ZNF33A: variants seen among roughly 807,000 people sequenced by gnomAD.
ZNF33A encodes the protein zinc finger protein 33A, also known as brain my041 protein.
ZNF33A carries 9 observed loss-of-function variants against 15.9 expected under a neutral mutation model. That is an observed-to-expected ratio of 0.57 (90% confidence interval 0.34 to 0.99). ZNF33A has a LOEUF of 0.99. Ranked by LOEUF, ZNF33A falls within the 50% of genes least tolerant of loss-of-function variation. The pLI is 0.02. For synonymous variants in ZNF33A, 294 were observed against 324.2 expected (o/e 0.91, Z 1.00); for missense variants, 843 against 941.6 (o/e 0.90, Z 1.37).
chr10:38,049,036 TAATA>T (rs977418825), intron 4 of ZNF33A, among the ~76,000 whole-genome samples: 1 of 152,108 alleles, frequency 6.6e-6, no homozygotes, highest in Non-Finnish European at 1.5e-5. Context: ...AAGCAAATCT[TAATA>T]AATGTAAAAG....
chr10:38,021,133 T>G (rs1343413394), intron 4 of ZNF33A, among the ~76,000 whole-genome samples: 1 of 152,070 alleles, frequency 6.6e-6, no homozygotes, highest in Non-Finnish European at 1.5e-5. Flanking sequence ...ACAACATAGG[T>G]TGATAAAGTA....
rs371089249 is a variant in ZNF33A at position 38,017,424 on chromosome 10, A to G, written c.250+38A>G. 21 of 1,529,468 alleles carry G rather than the reference A, an allele frequency of 1.4e-5. No individual in the cohort carries two copies. In the African/African-American group the frequency reaches 2.5e-4, roughly 18 times the overall value. The allele number at this position is 1,529,468 out of a possible 1,614,324, so 94.7% of individuals were successfully genotyped here. On this transcript the variant is annotated intron_variant, in intron 4 of 4. Coordinates refer to ENST00000432900, the MANE Select transcript of ZNF33A (RefSeq NM_006954.2). ...GTACTGCACAGATTCACATCAGGGG[A>G]TTTGTTGTTTCCCAGTAGTTAATTC... is the stretch of plus-strand genomic sequence containing the variant.
At chr10:38,050,604 C>G (rs1282192581) in intron 4 of ZNF33A, among the ~76,000 whole-genome samples, 1 of 152,140 alleles carries the variant, frequency 6.6e-6, no homozygotes, top group Non-Finnish European at 1.5e-5. Flanking sequence ...TGTAGTATGG[C>G]CTGGGAGTGT....
At chr10:38,036,032 A>G (rs976807935) in intron 4 of ZNF33A, among the ~76,000 whole-genome samples, 8 of 152,242 alleles carry the variant, frequency 5.3e-5, no homozygotes, top group Admixed American at 5.2e-4. Flanking sequence ...GCAAAGAAGA[A>G]AAACCACACA....
intron 4 of ZNF33A, among the ~76,000 whole-genome samples, chr10:38,036,597 C>T (rs1029629855): frequency 5.3e-5 from 8 of 152,084 alleles, no homozygotes; most frequent in Admixed American, 6.5e-5. Flanking sequence ...ACTTCCTCAA[C>T]TTGGTAAAAA....
At chr10:38,065,679 A>T (rs946824378), downstream of ZNF33A, among the ~76,000 whole-genome samples, 1 of 150,642 alleles carries the variant, frequency 6.6e-6, no homozygotes, top group Non-Finnish European at 1.5e-5. Flanking sequence ...TTGCCAGTGC[A>T]CCAGCCAATT....
In ZNF33A at chr10:38,012,314, G is replaced by A; in HGVS notation, c.-28G>A. On this transcript the variant is annotated 5_prime_UTR_variant, in exon 2 of 5. Coordinates refer to ENST00000432900, the MANE Select transcript of ZNF33A (RefSeq NM_006954.2). ...CTAACTCAGCTGTATCTTCAGAGTTGTCTCCGTCTTTCCAAGAACAGAACA... is the reference window on the plus strand; with the variant it reads ...CTAACTCAGCTGTATCTTCAGAGTTATCTCCGTCTTTCCAAGAACAGAACA... The A allele has an allele frequency of 6.2e-7, 1 of 1,611,854 alleles. No homozygotes were observed. The highest frequency in any genetic ancestry group is 8.5e-7 in the Non-Finnish European group (1 of 1,179,314).
intron 4 of ZNF33A, among the ~76,000 whole-genome samples, chr10:38,036,162 G>A (rs1037345537): frequency 6.6e-6 from 1 of 152,076 alleles, no homozygotes; most frequent in Admixed American, 6.6e-5. Context: ...TAATGTGGCC[G>A]GGTACGTTGG....
chr10:38,064,294 G>T (rs1245696692), downstream of ZNF33A: 3 of 588,412 alleles, frequency 5.1e-6, no homozygotes, highest in Non-Finnish European at 8.8e-6. Context: ...TCTGGAAACA[G>T]CCTAAAGAGA....
At chr10:38,013,629 T>C (rs1007936937) in intron 2 of ZNF33A, among the ~76,000 whole-genome samples, 1 of 151,912 alleles carries the variant, frequency 6.6e-6, no homozygotes, top group African/African-American at 2.4e-5. Flanking sequence ...CAGCTAATTT[T>C]TGTATTTTTA....
chr10:38,033,905 G>T (rs1028144129), intron 4 of ZNF33A, among the ~76,000 whole-genome samples: 1 of 151,830 alleles, frequency 6.6e-6, no homozygotes, highest in African/African-American at 2.4e-5. Context: ...TAGAGACGGG[G>T]TTTCATCATC....
At position 38,010,776 on chromosome 10, in the gene ZNF33A, G is replaced by A. The variant is rs1353811215; in HGVS notation, c.-52G>A. 1.3e-6 allele frequency: 2 copies of A among 1,598,372 alleles called. No homozygotes were observed. Among genetic ancestry groups the A allele is most frequent in the African/African-American group, 1.3e-5 (1 of 74,942 alleles). ...TCTATGGCGAATGCAACCCGACGAG[G>A]GAGTGGGGTAAGCCCCAGTGGGTTG... On this transcript the variant is annotated 5_prime_UTR_variant, in exon 1 of 5. Coordinates refer to ENST00000432900, the MANE Select transcript of ZNF33A (RefSeq NM_006954.2).
chr10:38,019,445 T>TA (rs1183869074), intron 4 of ZNF33A, among the ~76,000 whole-genome samples: 3 of 152,204 alleles, frequency 2.0e-5, no homozygotes, highest in South Asian at 2.1e-4. Context: ...GCTATAAACA[T>TA]ACGTGTGCAT....
intron 4 of ZNF33A, among the ~76,000 whole-genome samples, chr10:38,034,981 G>C (rs2065376974): frequency 6.6e-6 from 1 of 151,750 alleles, no homozygotes; most frequent in Non-Finnish European, 1.5e-5. Flanking sequence ...CTAAACATGT[G>C]TTTATACTTA....
chr10:38,012,276 C>T, intron 1 of ZNF33A, 22 bp from the exon 2 acceptor site: 1 of 1,608,336 alleles, frequency 6.2e-7, no homozygotes, highest in Non-Finnish European at 8.5e-7. Flanking sequence ...TTCATGACCC[C>T]ATTCCTCTTT....
intron 4 of ZNF33A, among the ~76,000 whole-genome samples, chr10:38,023,348 A>T (rs1043667312): frequency 1.3e-5 from 2 of 152,240 alleles, no homozygotes; most frequent in Non-Finnish European, 2.9e-5. Context: ...TCATAAATTT[A>T]GTAGCAAAAA....
rs139842135 is a variant in ZNF33A, at chr10:38,033,503, T to C, written c.250+16117T>C. Among the ~76,000 whole-genome samples, 14 of 152,320 alleles carry C rather than the reference T, an allele frequency of 9.2e-5. No individual in the cohort carries two copies. The East Asian group carries it at 2.7e-3, about 29-fold the overall frequency. On this transcript the variant is annotated intron_variant, in intron 4 of 4. Transcript: ENST00000432900. ...TAGAATGCTGGTTATATGGTGACTC[T>C]GTGTTTAACTTTCTTGGGAACTGCC...
intron 4 of ZNF33A, among the ~76,000 whole-genome samples, chr10:38,035,849 G>A (rs567137635): frequency 4.8e-4 from 73 of 152,248 alleles, no homozygotes; most frequent in Non-Finnish European, 9.6e-4. Flanking sequence ...AAGAAAGAAA[G>A]AAAATAAATT....
In ZNF33A at chr10:38,016,861, A is replaced by G; in HGVS notation, c.10-10A>G. ...TCTTTTTTCATGCCACCTAATTCTG[A>G]ATGTTTCAGGTAGAACAGAAGTCCC... is the stretch of plus-strand genomic sequence containing the variant. On this transcript the variant is annotated splice_polypyrimidine_tract_variant and intron_variant, in intron 2 of 4. Transcript: ENST00000432900. 7 of 1,612,898 alleles carry G rather than the reference A, an allele frequency of 4.3e-6. No individual in the cohort carries two copies. The highest frequency in any genetic ancestry group is 5.9e-6 in the Non-Finnish European group (7 of 1,179,738).
Sources: allele counts gnomAD v4.1 joint callset (sites outside exome capture counted in the v4.1 genomes callset), GRCh38; gene constraint gnomAD v4.1.1; transcripts MANE v1.5; gene names NCBI Gene and HGNC (gene_info 2026-07-23, HGNC 2026-07-21).